EDC3: variants seen among roughly 807,000 people sequenced by gnomAD.
EDC3 encodes the protein enhancer of mRNA-decapping protein 3.
A neutral mutation model predicts 41.8 loss-of-function variants in EDC3; 20 were observed. That is an observed-to-expected ratio of 0.48 (90% CI 0.34 to 0.70). EDC3 has a LOEUF of 0.70. Ranked by LOEUF, EDC3 falls within the 30% of genes least tolerant of loss-of-function variation. The probability of loss-of-function intolerance (pLI) is 0.01; values close to 1 mark genes in which losing one functional copy is unlikely to be tolerated. For missense variants in EDC3, 444 were observed against 636.8 expected (o/e 0.70, Z 3.26); for synonymous variants, 206 against 243.2 (o/e 0.85, Z 1.42).
chr15:74,684,621 GA>G (rs35655079), intron 1 of EDC3, among the ~76,000 whole-genome samples: 55,305 of 140,768 alleles, frequency 0.39, 11,751 homozygotes, highest in African/African-American at 0.58. Context: ...ACAAGAAAAA[GA>G]AAAAAAAAAA....
Position 74,659,487 on chromosome 15 carries a change from A to AAT in EDC3, c.485-3421_485-3420dup, listed in dbSNP as rs10601683. Among the ~76,000 whole-genome samples the AAT allele has an allele frequency of 1.4e-3, 204 of 142,182 alleles. 2 individuals are homozygous for AAT. The highest frequency in any genetic ancestry group is 2.0e-3 in the East Asian group (10 of 4,954). The allele number at this position is 142,182 out of a possible 152,430, so 93.3% of individuals were successfully genotyped here. A position where few individuals can be genotyped will look rare whatever the true frequency, so the allele number is the denominator to read the frequency against. On this transcript the variant is annotated intron_variant, in intron 3 of 6. Coordinates refer to ENST00000315127, the MANE Select transcript of EDC3 (RefSeq NM_025083.5). Reference sequence around the variant, plus strand: ...AAAAAATAAATAAATAAAAAATAGAAATATATATATATATATATATATATA... The same window carrying AAT: ...AAAAAATAAATAAATAAAAAATAGAAATATATATATATATATATATATATATA...
chr15:74,676,650 G>A (rs1316562309), intron 1 of EDC3, among the ~76,000 whole-genome samples: 2 of 152,104 alleles, frequency 1.3e-5, no homozygotes, highest in Admixed American at 1.3e-4. Flanking sequence ...GTAGCTGCAT[G>A]TCTATTTTAA....
chr15:74,674,658 A>C (rs79048440), intron 2 of EDC3, among the ~76,000 whole-genome samples: 5,909 of 152,278 alleles, frequency 0.039, 144 homozygotes, highest in East Asian at 0.12. Flanking sequence ...GCAAGATCTA[A>C]GGGAGAGGGT....
intron 3 of EDC3, among the ~76,000 whole-genome samples, chr15:74,661,646 G>A (rs1025055035): frequency 2.0e-5 from 3 of 149,980 alleles, no homozygotes; most frequent in Non-Finnish European, 4.4e-5. Context: ...CACGAGAATC[G>A]CTTGAACCCG....
intron 1 of EDC3, among the ~76,000 whole-genome samples, chr15:74,688,622 G>A (rs2062965361): frequency 6.6e-6 from 1 of 151,992 alleles, no homozygotes; most frequent in South Asian, 2.1e-4. Context: ...GTACATCTGT[G>A]AGGCCAGGCA....
chr15:74,636,428 C>T (rs1001605444), intron 5 of EDC3: 1 of 152,228 alleles, frequency 6.6e-6, no homozygotes, highest in African/African-American at 2.4e-5. Context: ...CTAGCAGCTG[C>T]CTTGGATGAA....
At chr15:74,673,653 G>A (rs899609016) in intron 2 of EDC3, among the ~76,000 whole-genome samples, 10 of 151,974 alleles carry the variant, frequency 6.6e-5, no homozygotes, top group South Asian at 6.2e-4. Context: ...TGGCTAACAC[G>A]GTGAAACCCC....
intron 3 of EDC3, among the ~76,000 whole-genome samples, chr15:74,667,032 T>C (rs1335186442): frequency 6.6e-6 from 1 of 152,158 alleles, no homozygotes; most frequent in Non-Finnish European, 1.5e-5. Flanking sequence ...TTCTGTTTGA[T>C]AGTCTCCCAC....
rs776955975 is a variant in EDC3, at chr15:74,632,891, G to A, written c.1248C>T (p.Asn416=). The change falls in exon 7 of 7, where the codon AAC becomes AAT. Residue 416 remains asparagine (N), a synonymous_variant. Transcript: ENST00000315127. The surrounding 1 kb of genome is among the most constrained non-coding windows in gnomAD (Gnocchi z 4.0). ...LVINCLDCPE[N]VFLRDQPWYK... ...ACCAGGGTTGATCGCGCAGGAAGAC[G>A]TTCTCAGGGCAATCCAGGCAGTTGA... 1.2e-5 allele frequency: 20 copies of A among 1,614,126 alleles called. No individual in the cohort carries two copies. In the South Asian group the frequency reaches 1.5e-4, roughly 12 times the overall value.
In EDC3 at chr15:74,632,378, G is replaced by A. The variant is rs555035417; in HGVS notation, c.*234C>T. 539 of 578,812 alleles carry A rather than the reference G, an allele frequency of 9.3e-4. 2 individuals carry two copies. Among genetic ancestry groups the A allele is most frequent in the Non-Finnish European group, 1.2e-3 (399 of 325,964 alleles). 35.9% of individuals were successfully genotyped at this position (578,812 alleles called of 1,614,324 possible). ...GGCCGTGCAGGGGGCTGAGGGTAGAGATGCCTGGAGTTGCTGCACGCTCAG... is the reference window on the plus strand; with the variant it reads ...GGCCGTGCAGGGGGCTGAGGGTAGAAATGCCTGGAGTTGCTGCACGCTCAG... On this transcript the variant is annotated 3_prime_UTR_variant, in exon 7 of 7. Transcript: ENST00000315127. This position sits in a 1 kb window ranked among gnomAD's most constrained non-coding sequence, Gnocchi z 4.0.
Position 74,695,983 on chromosome 15 carries a change from A to G in EDC3, c.-122T>C, listed in dbSNP as rs1293685438. 6.6e-6 allele frequency: 1 copy of G among 152,552 alleles called. No individual in the cohort carries two copies. Among genetic ancestry groups the G allele is most frequent in the Non-Finnish European group, 1.5e-5 (1 of 68,382 alleles). 9.4% of individuals were successfully genotyped at this position (152,552 alleles called of 1,614,324 possible). A position where few individuals can be genotyped will look rare whatever the true frequency, so the allele number is the denominator to read the frequency against. On this transcript the variant is annotated 5_prime_UTR_variant, in exon 1 of 7. It removes an upstream start codon present in the reference 5' UTR. Transcript: ENST00000315127. The stretch of plus-strand genomic sequence containing the variant: ...TTCTCTCCACGCCCACCCCCACAGC[A>G]TCGGCCTTCACCACCGCCGCCGCTG...
intron 2 of EDC3, 88 bp downstream of exon 2, chr15:74,674,873 T>C (rs1330764499): frequency 2.0e-6 from 3 of 1,482,564 alleles, no homozygotes; most frequent in Non-Finnish European, 2.8e-6. Flanking sequence ...AAAGCGGCCA[T>C]ATGCCAAGAG....
chr15:74,659,842 C>A (rs1001982880), intron 3 of EDC3, among the ~76,000 whole-genome samples: 4 of 151,956 alleles, frequency 2.6e-5, no homozygotes, highest in Admixed American at 2.6e-4. Flanking sequence ...GTCAGGAGAT[C>A]GAGACCATCC....
chr15:74,662,005 C>T (rs999585008), intron 3 of EDC3, among the ~76,000 whole-genome samples: 10 of 152,238 alleles, frequency 6.6e-5, no homozygotes, highest in Middle Eastern at 3.4e-3. Flanking sequence ...GGAGCATCCT[C>T]GAGTTTCATG....
chr15:74,683,186 T>C (rs2062894640), intron 1 of EDC3, among the ~76,000 whole-genome samples: 1 of 152,016 alleles, frequency 6.6e-6, no homozygotes, highest in Admixed American at 6.6e-5. Context: ...CCCCAAGAGG[T>C]TGTGTTCTGT....
At chr15:74,638,593 C>G (rs533983749) in intron 5 of EDC3, 1 of 152,174 alleles carries the variant, frequency 6.6e-6, no homozygotes, top group South Asian at 2.1e-4. Flanking sequence ...CTTGGCCTCC[C>G]GAAGTATAGG....
At chr15:74,683,376 A>G (rs1462327510) in intron 1 of EDC3, among the ~76,000 whole-genome samples, 1 of 152,140 alleles carries the variant, frequency 6.6e-6, no homozygotes, top group Non-Finnish European at 1.5e-5. Flanking sequence ...CTCTACCAAA[A>G]ATACAAAAAT....
chr15:74,659,441 C>A (rs946238170), intron 3 of EDC3, among the ~76,000 whole-genome samples: 1 of 146,692 alleles, frequency 6.8e-6, no homozygotes, highest in African/African-American at 2.6e-5. Flanking sequence ...GCCTGGGCAA[C>A]AAGAGCAAAA....
chr15:74,692,613 T>C (rs1038590617), intron 1 of EDC3, among the ~76,000 whole-genome samples: 5 of 152,212 alleles, frequency 3.3e-5, no homozygotes, highest in African/African-American at 1.2e-4. Context: ...AACAAAATGT[T>C]AGCAAATTGA....
Sources: allele counts gnomAD v4.1 joint callset (sites outside exome capture counted in the v4.1 genomes callset), GRCh38; gene constraint gnomAD v4.1.1; non-coding constraint Gnocchi (gnomAD v3.1); transcripts MANE v1.5; gene names NCBI Gene and HGNC (gene_info 2026-07-23, HGNC 2026-07-21).